The following DLGAP4 variants were observed in gnomAD, a reference collection of about 807,000 sequenced individuals.
DLGAP4 encodes the protein DLG associated protein 4, also known as disks large-associated protein 4.
A neutral mutation model predicts 86.9 loss-of-function variants in DLGAP4; 18 were observed. The observed-to-expected ratio is 0.21, with a 90% CI of 0.14 to 0.31. DLGAP4 has a LOEUF of 0.31. Ranked by LOEUF, DLGAP4 falls within the 10% of genes least tolerant of loss-of-function variation. The pLI, the probability that DLGAP4 is intolerant of heterozygous loss-of-function variation, is 1.00. For missense variants in DLGAP4, 1,085 were observed against 1,362.6 expected, an observed-to-expected ratio of 0.80 and a Z score of 3.21; for synonymous variants, 548 against 574.3, an observed-to-expected ratio of 0.95 and a Z score of 0.65.
At chr20:36,473,847 C>T (rs2034788066) in intron 7 of DLGAP4, among the ~76,000 whole-genome samples, 1 of 152,144 alleles carries the variant, frequency 6.6e-6, no homozygotes, top group Admixed American at 6.5e-5. Context: ...ACCTACTGAG[C>T]ATACAGTAGG....
At chr20:36,403,804 T>C (rs2032233573) in intron 2 of DLGAP4, among the ~76,000 whole-genome samples, 1 of 152,258 alleles carries the variant, frequency 6.6e-6, no homozygotes, top group South Asian at 2.1e-4. Context: ...GGATGTCAGC[T>C]AGGGCTGCAG....
intron 2 of DLGAP4, among the ~76,000 whole-genome samples, chr20:36,383,463 C>T (rs372461554): frequency 6.6e-6 from 1 of 151,926 alleles, no homozygotes; most frequent in Admixed American, 6.6e-5. Flanking sequence ...CTGCACTTGG[C>T]TGTAACACTG....
At chr20:36,371,615 A>T (rs1386059588) in intron 2 of DLGAP4, among the ~76,000 whole-genome samples, 3 of 152,212 alleles carry the variant, frequency 2.0e-5, no homozygotes, top group Admixed American at 1.3e-4. Context: ...GGGACAACCC[A>T]TTTGTCCATC....
chr20:36,359,502 A>G (rs2030443976), intron 1 of DLGAP4, among the ~76,000 whole-genome samples: 1 of 152,144 alleles, frequency 6.6e-6, no homozygotes, highest in African/African-American at 2.4e-5. Context: ...TCTGAGACTT[A>G]GGGAGAGATC....
rs985226325 is a variant in DLGAP4, at chr20:36,450,498, CA to C, written c.1648+3571del. Among the ~76,000 whole-genome samples, 83 of 145,130 alleles carry C rather than the reference CA, an allele frequency of 5.7e-4. No homozygotes were observed. The East Asian group carries it at 6.0e-3, about 11-fold the overall frequency. On this transcript the variant is annotated intron_variant, in intron 7 of 12. Coordinates refer to ENST00000339266, the MANE Select transcript of DLGAP4 (RefSeq NM_001365621.2). ...GGGCAACAAAAGTGAGACTCCGTCTCAAAAAAAAAAGAATCAGGGTCAACAA... is the reference window on the plus strand; with the variant it reads ...GGGCAACAAAAGTGAGACTCCGTCTCAAAAAAAAAGAATCAGGGTCAACAA...
At chr20:36,374,546 G>A (rs1444357200) in intron 2 of DLGAP4, among the ~76,000 whole-genome samples, 1 of 152,210 alleles carries the variant, frequency 6.6e-6, no homozygotes, top group Admixed American at 6.5e-5. Context: ...GGGAGCCTTT[G>A]GGGGATATTG....
chr20:36,338,729 A>C (rs1312640833), intron 1 of DLGAP4, among the ~76,000 whole-genome samples: 4 of 152,258 alleles, frequency 2.6e-5, no homozygotes, highest in African/African-American at 9.6e-5. Flanking sequence ...TAGATAAATA[A>C]ATGAATAAAT....
chr20:36,327,793 G>A lies in DLGAP4; in HGVS notation c.-304+21281G>A, dbSNP rs1242058230. Among the ~76,000 whole-genome samples, 11 of 147,368 alleles carry A rather than the reference G, an allele frequency of 7.5e-5. No homozygotes were observed. In the South Asian group the frequency reaches 8.5e-4, roughly 11 times the overall value. Reference sequence around the variant, plus strand: ...TTTTTAGTAGAGACGGGGTTTCACCGTTTTAGCCGGGATGGTCTCGATCTC... The same window carrying A: ...TTTTTAGTAGAGACGGGGTTTCACCATTTTAGCCGGGATGGTCTCGATCTC... On this transcript the variant is annotated intron_variant, in intron 1 of 12. Transcript: ENST00000339266.
At chr20:36,513,716 A>C (rs1233608217) in intron 10 of DLGAP4, among the ~76,000 whole-genome samples, 1 of 152,176 alleles carries the variant, frequency 6.6e-6, no homozygotes, top group Non-Finnish European at 1.5e-5. Flanking sequence ...CAGACTGTGG[A>C]TATATCTTGA....
At chr20:36,462,772 G>T (rs539984877) in intron 7 of DLGAP4, among the ~76,000 whole-genome samples, 1 of 152,208 alleles carries the variant, frequency 6.6e-6, no homozygotes, top group Admixed American at 6.5e-5. Context: ...AGGAGGGAGT[G>T]GGGGGCCTTC....
At chr20:36,458,677 A>C (rs1414571936) in intron 7 of DLGAP4, among the ~76,000 whole-genome samples, 1 of 152,104 alleles carries the variant, frequency 6.6e-6, no homozygotes, top group Non-Finnish European at 1.5e-5. Flanking sequence ...CCAGCCTGGC[A>C]ACAGAATGAG....
chr20:36,391,816 C>T (rs1021637715), intron 2 of DLGAP4, among the ~76,000 whole-genome samples: 1 of 152,210 alleles, frequency 6.6e-6, no homozygotes, highest in Non-Finnish European at 1.5e-5. Context: ...GTCTCCAATG[C>T]AACCAGTATC....
intron 1 of DLGAP4, among the ~76,000 whole-genome samples, chr20:36,363,343 A>G (rs2030582447): frequency 6.6e-6 from 1 of 152,190 alleles, no homozygotes; most frequent in Non-Finnish European, 1.5e-5. Context: ...GTGGAGCTGA[A>G]TACAAGGAGT....
chr20:36,414,638 G>A (rs2032601264), intron 2 of DLGAP4, among the ~76,000 whole-genome samples: 1 of 152,184 alleles, frequency 6.6e-6, no homozygotes, highest in African/African-American at 2.4e-5. Flanking sequence ...GCGTGAGAGA[G>A]TTGGATCAGA....
intron 2 of DLGAP4, among the ~76,000 whole-genome samples, chr20:36,382,806 A>C (rs2031452619): frequency 6.6e-6 from 1 of 151,832 alleles, no homozygotes; most frequent in African/African-American, 2.4e-5. Context: ...CTGGGATTAC[A>C]GGCGTGAGCC....
intron 2 of DLGAP4, among the ~76,000 whole-genome samples, chr20:36,396,713 T>G (rs1228258264): frequency 1.6e-5 from 2 of 128,850 alleles, no homozygotes; most frequent in Non-Finnish European, 3.4e-5. Context: ...TTGATCTTCC[T>G]CTGGGGTGAT....
intron 2 of DLGAP4, among the ~76,000 whole-genome samples, chr20:36,380,279 G>A (rs552048438): frequency 6.6e-6 from 1 of 151,246 alleles, no homozygotes; most frequent in Non-Finnish European, 1.5e-5. Context: ...GTGTGGTGGT[G>A]TGTGCCTGTA....
At chr20:36,331,318 C>G (rs1555891535) in intron 1 of DLGAP4, among the ~76,000 whole-genome samples, 1 of 151,990 alleles carries the variant, frequency 6.6e-6, no homozygotes, top group East Asian at 1.9e-4. Flanking sequence ...GGTCAGGTGC[C>G]CAGCCACCGG....
chr20:36,516,699 T>C (rs1435247198), intron 10 of DLGAP4, among the ~76,000 whole-genome samples: 2 of 150,612 alleles, frequency 1.3e-5, no homozygotes, highest in East Asian at 3.9e-4. Context: ...AAATTGACAG[T>C]ACTTTGTCCT....
Sources: gnomAD v4.1 joint callset for allele counts (sites outside exome capture counted in the v4.1 genomes callset) on GRCh38, gnomAD v4.1.1 for gene constraint, MANE v1.5 for transcripts, NCBI Gene and HGNC (gene_info 2026-07-23, HGNC 2026-07-21) for gene names.